COPG2: variants seen among roughly 807,000 people sequenced by gnomAD.
COPG2 encodes the protein coat protein complex I subunit gamma 2, also known as coatomer subunit gamma-2.
A neutral mutation model predicts 46.3 loss-of-function variants in COPG2; 37 were observed. That is an observed-to-expected ratio of 0.80 (90% CI 0.61 to 1.05). The LOEUF is 1.05. COPG2 is among the 50% of genes least tolerant of loss of function. COPG2 has a pLI of 0.00. For synonymous variants in COPG2, 159 were observed against 129.7 expected, an observed-to-expected ratio of 1.23 and a Z score of -1.53; for missense variants, 427 against 387.8, an observed-to-expected ratio of 1.10 and a Z score of -0.85.
chr7:130,513,341 A>ATGTGTG (rs1210290028), intron 20 of COPG2, among the ~76,000 whole-genome samples: 14 of 51,522 alleles, frequency 2.7e-4, no homozygotes, highest in African/African-American at 5.6e-4. Flanking sequence ...ATATATATAT[A>ATGTGTG]TGTGTGTGTG....
chr7:130,616,304 T>C (rs1554452831), intron 6 of COPG2, among the ~76,000 whole-genome samples: 1 of 152,208 alleles, frequency 6.6e-6, no homozygotes. Flanking sequence ...AAGGCAGATA[T>C]AAATACAGTA....
At chr7:130,526,428 G>A (rs1199897357) in intron 20 of COPG2, among the ~76,000 whole-genome samples, 2 of 152,040 alleles carry the variant, frequency 1.3e-5, no homozygotes, top group African/African-American at 4.8e-5. Context: ...AAGGAAGCAA[G>A]GAGAAGAAAT....
At position 130,557,999 on chromosome 7, in the gene COPG2, C is replaced by T. The variant is rs2116397426; in HGVS notation, c.1129-2867G>A. 1.3e-5 allele frequency among the ~76,000 whole-genome samples: 2 copies of T among 151,734 alleles called. 1 individual carries two copies. Among genetic ancestry groups the T allele is most frequent in the South Asian group, 4.2e-4 (2 of 4,784 alleles). ...GACACTCCAGAAACAGACTCAAGTA[C>T]ATACGCAACTTTTTTGAGTTTGTAT... On this transcript the variant is annotated intron_variant, in intron 12 of 23. Coordinates refer to ENST00000425248, the MANE Select transcript of COPG2 (RefSeq NM_012133.6).
intron 4 of COPG2, among the ~76,000 whole-genome samples, chr7:130,656,350 GA>G (rs1795853154): frequency 6.6e-6 from 1 of 151,966 alleles, no homozygotes. Context: ...ATAAAAGAGA[GA>G]AAATACAATT....
Position 130,539,880 on chromosome 7 carries a change from G to C in COPG2, c.2149+7794C>G, listed in dbSNP as rs1041104707. Among the ~76,000 whole-genome samples the C allele has an allele frequency of 1.8e-4, 28 of 152,334 alleles. No individual in the cohort carries two copies. The South Asian group carries it at 5.6e-3, about 30-fold the overall frequency. ...GGAACAAAGGAATGTGGAGTGCTCA[G>C]GGCAGCCTGCAAGGTTCGGCAGGGG... On this transcript the variant is annotated intron_variant, in intron 20 of 23. Coordinates refer to ENST00000425248, the MANE Select transcript of COPG2 (RefSeq NM_012133.6).
At chr7:130,517,090 G>A (rs1799685113) in intron 20 of COPG2, among the ~76,000 whole-genome samples, 1 of 152,064 alleles carries the variant, frequency 6.6e-6, no homozygotes, top group Admixed American at 6.5e-5. Context: ...TGATTCTCTG[G>A]GGCAAAATGA....
chr7:130,575,668 C>CA (rs1554446118), intron 9 of COPG2, among the ~76,000 whole-genome samples: 1 of 151,888 alleles, frequency 6.6e-6, no homozygotes. Flanking sequence ...AAACAAAAAA[C>CA]AAAAAAACCA....
intron 5 of COPG2, among the ~76,000 whole-genome samples, chr7:130,627,758 T>A (rs1411259454): frequency 1.2e-5 from 1 of 84,862 alleles, no homozygotes; most frequent in African/African-American, 4.8e-5. Flanking sequence ...CCCAAAGACT[T>A]TGGGGATGCG....
chr7:130,515,186 C>T (rs1331755515), intron 20 of COPG2, among the ~76,000 whole-genome samples: 1 of 152,126 alleles, frequency 6.6e-6, no homozygotes, highest in Non-Finnish European at 1.5e-5. Context: ...ATACCTGGGA[C>T]TGGGTAACTT....
intron 20 of COPG2, among the ~76,000 whole-genome samples, chr7:130,535,951 A>C (rs972670358): frequency 1.4e-4 from 22 of 152,250 alleles, no homozygotes; most frequent in African/African-American, 3.4e-4. Context: ...GATGACCACC[A>C]AATGGGAAGT....
At chr7:130,665,842 A>G (rs1554461363) in intron 3 of COPG2, among the ~76,000 whole-genome samples, 1 of 151,874 alleles carries the variant, frequency 6.6e-6, no homozygotes, top group Non-Finnish European at 1.5e-5. Flanking sequence ...GGGCAAAAAA[A>G]AAAAAAAGAA....
intron 17 of COPG2, among the ~76,000 whole-genome samples, chr7:130,549,756 G>C (rs1029986851): frequency 2.0e-5 from 3 of 152,068 alleles, no homozygotes; most frequent in African/African-American, 4.8e-5. Flanking sequence ...TTTCTTCCCA[G>C]TTTTGTGTTC....
intron 9 of COPG2, among the ~76,000 whole-genome samples, chr7:130,588,743 A>G (rs1554448429): frequency 6.6e-6 from 1 of 152,134 alleles, no homozygotes; most frequent in African/African-American, 2.4e-5. Context: ...ACATGTATAC[A>G]TATGTAACAA....
intron 20 of COPG2, among the ~76,000 whole-genome samples, chr7:130,513,068 T>C (rs1298058989): frequency 1.3e-5 from 2 of 151,428 alleles, no homozygotes; most frequent in Non-Finnish European, 2.9e-5. Context: ...GGTGGATCAT[T>C]TGAGGTCAGG....
chr7:130,511,031 C>T, intron 20 of COPG2: 1 of 513,494 alleles, frequency 1.9e-6, no homozygotes, highest in South Asian at 1.4e-5. Context: ...TGAGAGTCAA[C>T]CACTAAGGAG....
At chr7:130,582,144 C>T (rs1417781315) in intron 9 of COPG2, among the ~76,000 whole-genome samples, 9 of 147,076 alleles carry the variant, frequency 6.1e-5, no homozygotes, top group East Asian at 4.0e-4. Flanking sequence ...GGTACCAAAA[C>T]AGAGATATAG....
chr7:130,589,574 C>T lies in COPG2; in HGVS notation c.737+21379G>A, dbSNP rs193240046. The stretch of plus-strand genomic sequence containing the variant: ...AGCTGGAACTACAGGTGTGTGCCAC[C>T]GCACCTGGCCATGTTTACTTTTTAA... On this transcript the variant is annotated intron_variant, in intron 9 of 23. Transcript: ENST00000425248. 2.4e-4 allele frequency among the ~76,000 whole-genome samples: 36 copies of T among 152,256 alleles called. No homozygotes were observed. The East Asian group carries it at 6.6e-3, about 28-fold the overall frequency.
chr7:130,598,350 G>A (rs570004533), intron 9 of COPG2, among the ~76,000 whole-genome samples: 42 of 152,312 alleles, frequency 2.8e-4, no homozygotes, highest in African/African-American at 9.1e-4. Flanking sequence ...ACTCCAAGAT[G>A]TGGATGACAT....
chr7:130,590,360 A>T (rs561210598), intron 9 of COPG2, among the ~76,000 whole-genome samples: 1 of 152,180 alleles, frequency 6.6e-6, no homozygotes, highest in South Asian at 2.1e-4. Flanking sequence ...TCCCTGCCTG[A>T]TTCTCCTGCC....
Sources: gnomAD v4.1 joint callset for allele counts (sites outside exome capture counted in the v4.1 genomes callset) on GRCh38, gnomAD v4.1.1 for gene constraint, MANE v1.5 for transcripts, NCBI Gene and HGNC (gene_info 2026-07-23, HGNC 2026-07-21) for gene names.